The following GPR39 variants were observed in gnomAD, a reference collection of about 807,000 sequenced individuals.
GPR39 encodes the protein G protein-coupled receptor 39.
A neutral mutation model predicts 18.4 loss-of-function variants in GPR39; 23 were observed. That is an observed-to-expected ratio of 1.25 (90% CI 0.90 to 1.77). The LOEUF (loss-of-function observed/expected upper bound fraction) is 1.77. Among genes scored for constraint, GPR39 ranks in the 40% most tolerant of loss-of-function variants. The pLI, the probability that GPR39 is intolerant of heterozygous loss-of-function variation, is 0.00. For missense variants in GPR39, 647 were observed against 602.4 expected (o/e 1.07, Z -0.78); for synonymous variants, 280 against 257.9 (o/e 1.09, Z -0.82).
chr2:132,548,805 A>G (rs1679990893), intron 1 of GPR39, among the ~76,000 whole-genome samples: 1 of 152,198 alleles, frequency 6.6e-6, no homozygotes, highest in African/African-American at 2.4e-5. Context: ...ACTTTTTGCC[A>G]TTATTATTAT....
intron 1 of GPR39, among the ~76,000 whole-genome samples, chr2:132,445,953 G>T (rs1680528300): frequency 6.6e-6 from 1 of 150,998 alleles, no homozygotes; most frequent in South Asian, 2.1e-4. Flanking sequence ...CAGTCACAGA[G>T]ATCAGCACAG....
At chr2:132,563,590 T>C (rs7605634) in intron 1 of GPR39, among the ~76,000 whole-genome samples, 59,466 of 151,796 alleles carry the variant, frequency 0.39, 13,809 homozygotes, top group East Asian at 0.77. Context: ...TGGATTATGG[T>C]GAATGTGACC....
chr2:132,615,058 C>T (rs1014531550), intron 1 of GPR39, among the ~76,000 whole-genome samples: 1 of 152,164 alleles, frequency 6.6e-6, no homozygotes, highest in African/African-American at 2.4e-5. Context: ...TGCTGCCTCC[C>T]CCATGCCCAC....
chr2:132,598,974 A>G (rs1028400063), intron 1 of GPR39, among the ~76,000 whole-genome samples: 1 of 152,138 alleles, frequency 6.6e-6, no homozygotes, highest in Non-Finnish European at 1.5e-5. Flanking sequence ...ATAAAACAGC[A>G]GCAACAACAA....
At chr2:132,442,312 C>T (rs914098478) in intron 1 of GPR39, among the ~76,000 whole-genome samples, 7 of 152,200 alleles carry the variant, frequency 4.6e-5, no homozygotes, top group Non-Finnish European at 7.3e-5. Flanking sequence ...ATGTAGACAA[C>T]TGTAGATGCC....
At chr2:132,540,250 GC>G (rs982952337) in intron 1 of GPR39, among the ~76,000 whole-genome samples, 169 of 141,982 alleles carry the variant, frequency 1.2e-3, no homozygotes, top group African/African-American at 4.5e-3. Context: ...CCCTGCACAA[GC>G]TTGACAGCAG....
chr2:132,429,574 G>A (rs993527080), intron 1 of GPR39, among the ~76,000 whole-genome samples: 39 of 152,232 alleles, frequency 2.6e-4, no homozygotes, highest in African/African-American at 8.7e-4. Flanking sequence ...TGGAAGAGAA[G>A]GATGGGAAAG....
chr2:132,470,171 G>A (rs544460686), intron 1 of GPR39, among the ~76,000 whole-genome samples: 5 of 152,316 alleles, frequency 3.3e-5, no homozygotes, highest in African/African-American at 1.2e-4. Flanking sequence ...GGGACTGGGT[G>A]TTAATACCTT....
At chr2:132,611,565 T>G (rs1681240653) in intron 1 of GPR39, among the ~76,000 whole-genome samples, 1 of 151,952 alleles carries the variant, frequency 6.6e-6, no homozygotes, top group Admixed American at 6.6e-5. Flanking sequence ...GTGGTTGTTA[T>G]GACCAATTTT....
chr2:132,419,848 G>C (rs1201152525), intron 1 of GPR39, among the ~76,000 whole-genome samples: 1 of 152,092 alleles, frequency 6.6e-6, no homozygotes, highest in Admixed American at 6.6e-5. Context: ...AGGAATTAAG[G>C]CTGCCTTTGA....
At chr2:132,634,421 G>T (rs953268448) in intron 1 of GPR39, among the ~76,000 whole-genome samples, 2 of 152,176 alleles carry the variant, frequency 1.3e-5, no homozygotes, top group Non-Finnish European at 2.9e-5. Context: ...AAAGCCGGAG[G>T]TGTCCAAGGA....
At chr2:132,442,741 A>G (rs1257338521) in intron 1 of GPR39, among the ~76,000 whole-genome samples, 1 of 152,212 alleles carries the variant, frequency 6.6e-6, no homozygotes, top group Admixed American at 6.5e-5. Flanking sequence ...TCACAGCAGT[A>G]CTGAGTGCCC....
At chr2:132,594,182 A>T (rs1162396213) in intron 1 of GPR39, among the ~76,000 whole-genome samples, 1 of 151,782 alleles carries the variant, frequency 6.6e-6, no homozygotes, top group Non-Finnish European at 1.5e-5. Flanking sequence ...CTGCCTTCAA[A>T]CTCCTCATAA....
intron 1 of GPR39, among the ~76,000 whole-genome samples, chr2:132,481,281 G>A (rs1480303071): frequency 2.6e-5 from 4 of 152,112 alleles, no homozygotes; most frequent in Admixed American, 6.5e-5. Flanking sequence ...CCAGAGTGGT[G>A]GCAGTAGTAG....
chr2:132,426,422 C>A (rs1002678174), intron 1 of GPR39, among the ~76,000 whole-genome samples: 2 of 152,196 alleles, frequency 1.3e-5, no homozygotes, highest in Non-Finnish European at 2.9e-5. Flanking sequence ...AGCTCTATTT[C>A]GTCATAGCCT....
intron 1 of GPR39, among the ~76,000 whole-genome samples, chr2:132,496,035 G>A (rs1162276079): frequency 2.0e-5 from 3 of 151,962 alleles, no homozygotes; most frequent in African/African-American, 4.8e-5. Flanking sequence ...TTTCAGCATC[G>A]GACTTCCAAT....
chr2:132,417,982 G>C, intron 1 of GPR39, 84 bp downstream of exon 1: 1 of 1,486,952 alleles, frequency 6.7e-7, no homozygotes, highest in Non-Finnish European at 8.9e-7. Context: ...CCCTCTCCAG[G>C]GCAAGTCTTG....
At chr2:132,566,244 G>A (rs1056429857) in intron 1 of GPR39, among the ~76,000 whole-genome samples, 42 of 147,194 alleles carry the variant, frequency 2.9e-4, no homozygotes, top group African/African-American at 1.0e-3. Flanking sequence ...TTTTTGATGG[G>A]GTTGTTTGTT....
At chr2:132,617,800 G>A (rs146177644) in intron 1 of GPR39, among the ~76,000 whole-genome samples, 9 of 152,304 alleles carry the variant, frequency 5.9e-5, no homozygotes, top group African/African-American at 2.2e-4. Flanking sequence ...TCAAACACAG[G>A]CCACACAGCT....
Sources: gnomAD v4.1 joint callset for allele counts (sites outside exome capture counted in the v4.1 genomes callset) on GRCh38, gnomAD v4.1.1 for gene constraint, MANE v1.5 for transcripts, NCBI Gene and HGNC (gene_info 2026-07-23, HGNC 2026-07-21) for gene names.